AGBL4: variants seen among roughly 807,000 people sequenced by gnomAD.
AGBL4 encodes the protein AGBL carboxypeptidase 4, also known as cytosolic carboxypeptidase 6.
A neutral mutation model predicts 66.4 loss-of-function variants in AGBL4; 58 were observed. The ratio of observed to expected loss-of-function variants is 0.87; its 90% CI spans 0.71 to 1.09. AGBL4 has a LOEUF of 1.09. Ranked by LOEUF, AGBL4 falls within the 50% of genes least tolerant of loss-of-function variation. AGBL4 has a pLI of 0.00. For synonymous variants in AGBL4, 234 were observed against 222.9 expected, an observed-to-expected ratio of 1.05 and a Z score of -0.44; for missense variants, 579 against 631.0, an observed-to-expected ratio of 0.92 and a Z score of 0.88.
chr1:49,559,423 G>A (rs1398333537), intron 3 of AGBL4, among the ~76,000 whole-genome samples: 2 of 152,144 alleles, frequency 1.3e-5, no homozygotes, highest in East Asian at 3.8e-4. Flanking sequence ...TTAATATTAA[G>A]TGTCAACTTG....
intron 3 of AGBL4, among the ~76,000 whole-genome samples, chr1:49,276,698 C>T (rs928431525): frequency 1.3e-5 from 2 of 152,160 alleles, no homozygotes; most frequent in African/African-American, 4.8e-5. Flanking sequence ...CTAGTCAAGC[C>T]TCTTCTTTCC....
intron 2 of AGBL4, among the ~76,000 whole-genome samples, chr1:49,829,953 T>A (rs1645614695): frequency 6.6e-6 from 1 of 152,236 alleles, no homozygotes; most frequent in Non-Finnish European, 1.5e-5. Flanking sequence ...GAATTCACCA[T>A]TTTTTATGTC....
At chr1:48,557,977 A>C (rs1644345636) in intron 11 of AGBL4, among the ~76,000 whole-genome samples, 1 of 152,198 alleles carries the variant, frequency 6.6e-6, no homozygotes, top group Admixed American at 6.5e-5. Context: ...AGCCTAGTAC[A>C]CCATCAAATA....
chr1:48,587,262 G>C, intron 10 of AGBL4, 96 bp from the exon 11 acceptor site: 1 of 1,191,992 alleles, frequency 8.4e-7, no homozygotes, highest in Non-Finnish European at 1.2e-6. Context: ...CAGCTTCACT[G>C]TCTGAAGAGT....
intron 1 of AGBL4, among the ~76,000 whole-genome samples, chr1:49,893,179 G>C (rs1648829897): frequency 6.6e-6 from 1 of 152,122 alleles, no homozygotes; most frequent in African/African-American, 2.4e-5. Flanking sequence ...GTTATACCCA[G>C]CTATATCTTT....
At chr1:48,827,606 T>C (rs1186517388) in intron 6 of AGBL4, among the ~76,000 whole-genome samples, 1 of 152,164 alleles carries the variant, frequency 6.6e-6, no homozygotes, top group African/African-American at 2.4e-5. Context: ...CAACTTCAAC[T>C]CAAGGCAAAC....
At chr1:49,687,767 C>T (rs1646813599) in intron 3 of AGBL4, among the ~76,000 whole-genome samples, 1 of 151,284 alleles carries the variant, frequency 6.6e-6, no homozygotes, top group African/African-American at 2.4e-5. Context: ...AGAGTAAAAG[C>T]CTATCTAAAA....
chr1:48,772,960 C>T (rs1041798561), intron 6 of AGBL4, among the ~76,000 whole-genome samples: 1 of 152,144 alleles, frequency 6.6e-6, no homozygotes, highest in Non-Finnish European at 1.5e-5. Context: ...ATACCCATTT[C>T]TTTTCCATCA....
intron 9 of AGBL4, among the ~76,000 whole-genome samples, chr1:48,617,082 A>G (rs1207943707): frequency 6.6e-6 from 1 of 152,204 alleles, no homozygotes; most frequent in Non-Finnish European, 1.5e-5. Flanking sequence ...GGAGAAAAGG[A>G]GGGAGGGGGG....
rs559352358 is a variant in AGBL4 at position 49,220,232 on chromosome 1, T to C, written c.377+25538A>G. On this transcript the variant is annotated intron_variant, in intron 4 of 13. Transcript: ENST00000371839. ...TAATAATTGAATTATACTTCCTTTT[T>C]CCCTGTTGCTTTTGCAGGTCACTGC... Among the ~76,000 whole-genome samples the C allele has an allele frequency of 2.0e-5, 3 of 152,292 alleles. 1 individual carries two copies. In the South Asian group the frequency reaches 6.2e-4, roughly 32 times the overall value.
intron 4 of AGBL4, among the ~76,000 whole-genome samples, chr1:49,199,308 A>C (rs572175032): frequency 2.0e-5 from 3 of 152,182 alleles, no homozygotes; most frequent in African/African-American, 7.2e-5. Flanking sequence ...CAGCAGCAAG[A>C]CTACTTTTGT....
intron 3 of AGBL4, among the ~76,000 whole-genome samples, chr1:49,516,154 C>T (rs2148793329): frequency 6.6e-6 from 1 of 151,966 alleles, no homozygotes; most frequent in Admixed American, 6.6e-5. Context: ...AGCTCTAGCC[C>T]TGATGCTGGG....
chr1:49,645,731 A>G (rs1461416276), intron 3 of AGBL4, among the ~76,000 whole-genome samples: 2 of 150,556 alleles, frequency 1.3e-5, no homozygotes, highest in African/African-American at 4.9e-5. Context: ...TTGAAAACAC[A>G]CTCATATACC....
intron 2 of AGBL4, among the ~76,000 whole-genome samples, chr1:49,820,031 T>C (rs1366456685): frequency 1.3e-5 from 2 of 152,104 alleles, no homozygotes; most frequent in African/African-American, 2.4e-5. Flanking sequence ...AAAGCTCCAA[T>C]AAAGACCCTC....
At chr1:48,920,051 T>C (rs1301896882) in intron 5 of AGBL4, among the ~76,000 whole-genome samples, 3 of 152,100 alleles carry the variant, frequency 2.0e-5, no homozygotes. Context: ...ATGAGCCCAG[T>C]GGTAAAAAAG....
chr1:49,554,087 T>C (rs940028710), intron 3 of AGBL4, among the ~76,000 whole-genome samples: 2 of 152,106 alleles, frequency 1.3e-5, no homozygotes, highest in Non-Finnish European at 2.9e-5. Flanking sequence ...GAGGTATGAT[T>C]ACACCACTGC....
chr1:48,901,002 A>G (rs1292179946), intron 5 of AGBL4, among the ~76,000 whole-genome samples: 1 of 143,722 alleles, frequency 7.0e-6, no homozygotes, highest in Non-Finnish European at 1.6e-5. Context: ...ATATGTATAT[A>G]AAAACTCTAA....
At chr1:49,141,480 C>A (rs976950027) in intron 4 of AGBL4, among the ~76,000 whole-genome samples, 5 of 152,078 alleles carry the variant, frequency 3.3e-5, no homozygotes, top group African/African-American at 1.2e-4. Context: ...TGGTGCTTAT[C>A]CTTGCAGAAC....
intron 3 of AGBL4, among the ~76,000 whole-genome samples, chr1:49,445,314 T>C (rs980845244): frequency 6.6e-6 from 1 of 152,142 alleles, no homozygotes; most frequent in Non-Finnish European, 1.5e-5. Context: ...TGACTCCATC[T>C]TGAAGAAGAA....
Sources: allele counts gnomAD v4.1 joint callset (sites outside exome capture counted in the v4.1 genomes callset), GRCh38; gene constraint gnomAD v4.1.1; transcripts MANE v1.5; gene names NCBI Gene and HGNC (gene_info 2026-07-23, HGNC 2026-07-21).